The following ROBO2 variants were observed in gnomAD, a reference collection of about 807,000 sequenced individuals.
ROBO2 encodes roundabout homolog 2.
Under a neutral mutation model 160.8 loss-of-function variants are expected in ROBO2, and 53 were observed. The ratio of observed to expected loss-of-function variants is 0.33; its 90% CI spans 0.26 to 0.41. The LOEUF (loss-of-function observed/expected upper bound fraction) is 0.41, where lower values mean the gene tolerates loss of function less well. Ranked by LOEUF, ROBO2 falls within the 10% of genes least tolerant of loss-of-function variation. ROBO2 has a pLI of 1.00. For missense variants in ROBO2, 1,577 were observed against 1,722.4 expected (o/e 0.92, Z 1.49); for synonymous variants, 664 against 611.7 (o/e 1.09, Z -1.26).
At chr3:75,983,454 G>A (rs1159733013) in intron 2 of ROBO2, among the ~76,000 whole-genome samples, 1 of 151,342 alleles carries the variant, frequency 6.6e-6, no homozygotes, top group Non-Finnish European at 1.5e-5. Context: ...ATAAACTTAT[G>A]TGGTGTACGT....
At chr3:75,907,706 T>C (rs1175816531) in intron 1 of ROBO2, among the ~76,000 whole-genome samples, 1 of 152,216 alleles carries the variant, frequency 6.6e-6, no homozygotes, top group Non-Finnish European at 1.5e-5. Flanking sequence ...GAGTTAACAC[T>C]GAGAGAAAGG....
At chr3:76,539,353 A>C (rs944917804) in intron 2 of ROBO2, among the ~76,000 whole-genome samples, 1 of 149,266 alleles carries the variant, frequency 6.7e-6, no homozygotes, top group African/African-American at 2.6e-5. Flanking sequence ...CCAAAACTTT[A>C]AGTAAAATTA....
At chr3:76,999,223 T>C (rs1230418753) in intron 2 of ROBO2, among the ~76,000 whole-genome samples, 1 of 152,048 alleles carries the variant, frequency 6.6e-6, no homozygotes, top group African/African-American at 2.4e-5. Flanking sequence ...GATTGTGGAA[T>C]GAACTCTTGT....
chr3:76,254,494 TG>T (rs1196796373), intron 2 of ROBO2, among the ~76,000 whole-genome samples: 1 of 152,116 alleles, frequency 6.6e-6, no homozygotes, highest in Non-Finnish European at 1.5e-5. Flanking sequence ...ACTGCTTACA[TG>T]GTAGTTCTAG....
At chr3:76,033,985 G>A (rs1239980193) in intron 2 of ROBO2, among the ~76,000 whole-genome samples, 1 of 152,166 alleles carries the variant, frequency 6.6e-6, no homozygotes, top group African/African-American at 2.4e-5. Context: ...TAACTTCCGT[G>A]ACATTTCATT....
At chr3:77,542,363 T>A (rs568278310) in intron 6 of ROBO2, among the ~76,000 whole-genome samples, 1 of 152,226 alleles carries the variant, frequency 6.6e-6, no homozygotes, top group Non-Finnish European at 1.5e-5. Flanking sequence ...TTTGCTTTGA[T>A]AAATGTTTCC....
At position 77,322,835 on chromosome 3, in the gene ROBO2, G is replaced by GTAATA. The variant is rs1198182888; in HGVS notation, c.389-154576_389-154572dup. Among the ~76,000 whole-genome samples the GTAATA allele has an allele frequency of 6.6e-5, 7 of 105,432 alleles. 1 individual carries two copies. Among genetic ancestry groups the GTAATA allele is most frequent in the Non-Finnish European group, 1.2e-4 (7 of 56,292 alleles). 69.2% of individuals were successfully genotyped at this position (105,432 alleles called of 152,430 possible). A position where few individuals can be genotyped will look rare whatever the true frequency, so the allele number is the denominator to read the frequency against. On this transcript the variant is annotated intron_variant, in intron 2 of 25. Coordinates refer to ENST00000461745, the Ensembl canonical transcript of ROBO2. ...ATACATATGTATTATAATATATTAT[G>GTAATA]TAATATATTATATTATACATATGTA...
rs531568196 is a variant in ROBO2 at position 77,032,812 on chromosome 3, C to T, written c.110-65202C>T. On this transcript the variant is annotated intron_variant, in intron 2 of 26. Transcript: ENST00000487694. ...AAAAGTGAGGCAACAGCCAGAGCGC[C>T]AAGGGGGTAAGGTATAGGTGAGACC... Among the ~76,000 whole-genome samples, 10 of 131,620 alleles carry T rather than the reference C, an allele frequency of 7.6e-5. No homozygotes were observed. The East Asian group carries it at 2.0e-3, about 27-fold the overall frequency. The allele number at this position is 131,620 out of a possible 152,430, so 86.3% of individuals were successfully genotyped here. A position where few individuals can be genotyped will look rare whatever the true frequency, so the allele number is the denominator to read the frequency against.
chr3:77,108,420 C>A (rs75450972), intron 2 of ROBO2, among the ~76,000 whole-genome samples: 8,397 of 152,000 alleles, frequency 0.055, 353 homozygotes, highest in African/African-American at 0.12. Flanking sequence ...CTATGTGACC[C>A]CCCCCTACCT....
chr3:77,588,606 T>C, intron 16 of ROBO2, 145 bp from the exon 18 acceptor site: 1 of 742,278 alleles, frequency 1.3e-6, no homozygotes. Flanking sequence ...TTATGGGCTA[T>C]GCTTATCAAT....
intron 1 of ROBO2, among the ~76,000 whole-genome samples, chr3:75,936,149 AT>A (rs1438525394): frequency 2.0e-5 from 3 of 152,140 alleles, no homozygotes; most frequent in African/African-American, 7.2e-5. Context: ...TTCTTAACTC[AT>A]TTGGTCATTT....
In ROBO2 at chr3:76,813,469, A is replaced by G. The variant is rs2065378840; in HGVS notation, c.110-284545A>G. ...ATACTGTTTTGTAGAAACAAGAATAATTTTCTCTCATTAAAATATGCTGCC... is the reference window on the plus strand; with the variant it reads ...ATACTGTTTTGTAGAAACAAGAATAGTTTTCTCTCATTAAAATATGCTGCC... On this transcript the variant is annotated intron_variant, in intron 2 of 26. Transcript: ENST00000487694. 2.0e-5 allele frequency among the ~76,000 whole-genome samples: 3 copies of G among 152,092 alleles called. No homozygotes were observed. In the South Asian group the frequency reaches 6.2e-4, roughly 32 times the overall value.
chr3:76,418,398 A>G (rs928441905), intron 2 of ROBO2, among the ~76,000 whole-genome samples: 2 of 151,178 alleles, frequency 1.3e-5, no homozygotes, highest in African/African-American at 4.8e-5. Flanking sequence ...ATGCCACCAT[A>G]TCCAGCTAAT....
chr3:77,046,262 C>T (rs770740010), intron 1 of ROBO2, among the ~76,000 whole-genome samples: 3 of 152,132 alleles, frequency 2.0e-5, no homozygotes, highest in African/African-American at 4.8e-5. Context: ...AAGAAAGAGT[C>T]GAAGGGCCTT....
At chr3:76,509,933 TCA>T (rs34348644) in intron 2 of ROBO2, among the ~76,000 whole-genome samples, 1 of 151,180 alleles carries the variant, frequency 6.6e-6, no homozygotes, top group Non-Finnish European at 1.5e-5. Flanking sequence ...AAATACAGGC[TCA>T]CACACACACA....
chr3:76,539,016 A>G (rs1352451783), intron 2 of ROBO2, among the ~76,000 whole-genome samples: 3 of 152,178 alleles, frequency 2.0e-5, no homozygotes, highest in Admixed American at 6.5e-5. Flanking sequence ...ATGTGGCCAT[A>G]AAAAACAATG....
At chr3:77,469,753 C>T (rs934023360) in intron 2 of ROBO2, among the ~76,000 whole-genome samples, 8 of 152,114 alleles carry the variant, frequency 5.3e-5, no homozygotes, top group Admixed American at 1.3e-4. Flanking sequence ...TCAAATTGTT[C>T]TTCATAAATG....
intron 2 of ROBO2, among the ~76,000 whole-genome samples, chr3:76,308,394 A>G (rs1014942238): frequency 1.3e-5 from 2 of 150,694 alleles, no homozygotes; most frequent in African/African-American, 4.9e-5. Context: ...AAAAAAAAAA[A>G]AAAGAAAGAA....
At chr3:77,376,007 A>G (rs548751790) in intron 2 of ROBO2, among the ~76,000 whole-genome samples, 59 of 152,228 alleles carry the variant, frequency 3.9e-4, no homozygotes, top group African/African-American at 1.3e-3. Flanking sequence ...TTGAGTTTCT[A>G]TGGCTCTTTG....
Sources: gnomAD v4.1 joint callset for allele counts (sites outside exome capture counted in the v4.1 genomes callset) on GRCh38, gnomAD v4.1.1 for gene constraint, MANE v1.5 for transcripts, NCBI Gene and HGNC (gene_info 2026-07-23, HGNC 2026-07-21) for gene names.